Variants in PDE4D observed in about 807,000 individuals in gnomAD.
The protein encoded by PDE4D is phosphodiesterase 4D.
PDE4D carries 24 observed loss-of-function variants against 87.4 expected under a neutral mutation model. The ratio of observed to expected loss-of-function variants is 0.27; its 90% confidence interval spans 0.20 to 0.39. PDE4D has a LOEUF of 0.39. PDE4D is among the 10% of genes least tolerant of loss of function. PDE4D has a pLI of 1.00. For synonymous variants in PDE4D, 384 were observed against 383.2 expected (o/e 1.00, Z -0.02); for missense variants, 714 against 1,041.0 (o/e 0.69, Z 4.32).
At chr5:60,331,855 A>G (rs1406680103) in intron 1 of PDE4D, among the ~76,000 whole-genome samples, 2 of 152,198 alleles carry the variant, frequency 1.3e-5, no homozygotes, top group Non-Finnish European at 2.9e-5. Flanking sequence ...GTGTTTCTAC[A>G]ACAATCATCT....
At chr5:59,156,651 G>A (rs1264044318) in intron 5 of PDE4D, among the ~76,000 whole-genome samples, 1 of 151,864 alleles carries the variant, frequency 6.6e-6, no homozygotes, top group African/African-American at 2.4e-5. Context: ...AGCAGCCCTG[G>A]ACTGCTCACT....
intron 1 of PDE4D, among the ~76,000 whole-genome samples, chr5:60,299,871 T>G (rs773439050): frequency 1.3e-5 from 2 of 152,204 alleles, no homozygotes; most frequent in African/African-American, 2.4e-5. Flanking sequence ...TACACATGTA[T>G]GTATCTTTAT....
chr5:59,797,383 T>G (rs1766612469), intron 1 of PDE4D, among the ~76,000 whole-genome samples: 1 of 152,236 alleles, frequency 6.6e-6, no homozygotes, highest in Non-Finnish European at 1.5e-5. Context: ...ACCACATGCA[T>G]GGAAGGACCA....
chr5:59,090,788 A>G (rs1768564219), intron 5 of PDE4D, among the ~76,000 whole-genome samples: 1 of 139,668 alleles, frequency 7.2e-6, no homozygotes, highest in African/African-American at 2.9e-5. Context: ...ATCAGTAGCC[A>G]TGTTTTTTTT....
At chr5:59,668,833 GGAAGAGGAAGAGGAAGAA>G (rs1746590345) in intron 1 of PDE4D, among the ~76,000 whole-genome samples, 1 of 54,066 alleles carries the variant, frequency 1.8e-5, no homozygotes, top group African/African-American at 7.8e-5. Context: ...AAGAAGAAGA[GGAAGAGGAAGAGGAAGAA>G]GAAGAAGAAG....
chr5:59,088,513 C>T lies in PDE4D; in HGVS notation c.809-49542G>A, dbSNP rs531220977. On this transcript the variant is annotated intron_variant, in intron 5 of 14. Transcript: ENST00000340635. ...GACACATGCATGTGTATGTTCATTA[C>T]AGCAGCATTAACAATAGCAAAGACA... is the stretch of plus-strand genomic sequence containing the variant. 3.9e-5 allele frequency among the ~76,000 whole-genome samples: 6 copies of T among 152,276 alleles called. No individual in the cohort carries two copies. In the South Asian group the frequency reaches 8.3e-4, roughly 21 times the overall value.
chr5:60,232,380 T>C (rs541153834), intron 1 of PDE4D, among the ~76,000 whole-genome samples: 1 of 152,016 alleles, frequency 6.6e-6, no homozygotes, highest in South Asian at 2.1e-4. Flanking sequence ...ACCTACTTCT[T>C]GCAACTTTAA....
At chr5:59,610,858 G>C (rs951444562) in intron 1 of PDE4D, among the ~76,000 whole-genome samples, 1 of 152,138 alleles carries the variant, frequency 6.6e-6, no homozygotes, top group African/African-American at 2.4e-5. Context: ...GGTAAAACTT[G>C]ATAATGGCAG....
intron 6 of PDE4D, among the ~76,000 whole-genome samples, chr5:59,008,147 G>A (rs1446811157): frequency 1.3e-5 from 2 of 151,944 alleles, no homozygotes; most frequent in African/African-American, 2.4e-5. Context: ...GAATAATCAT[G>A]ACAATAAATG....
chr5:60,448,376 A>G (rs773149291), intron 1 of PDE4D, among the ~76,000 whole-genome samples: 1 of 152,196 alleles, frequency 6.6e-6, no homozygotes, highest in Non-Finnish European at 1.5e-5. Context: ...ATTAGTTCAT[A>G]AATTTAAGGC....
intron 1 of PDE4D, among the ~76,000 whole-genome samples, chr5:59,638,466 T>TA (rs368640059): frequency 2.4e-4 from 36 of 151,858 alleles, no homozygotes; most frequent in African/African-American, 8.4e-4. Flanking sequence ...ATACCACCAT[T>TA]AAAAAAAGGG....
intron 1 of PDE4D, among the ~76,000 whole-genome samples, chr5:59,806,808 TA>T (rs1767788239): frequency 6.6e-6 from 1 of 152,220 alleles, no homozygotes; most frequent in South Asian, 2.1e-4. Flanking sequence ...CATGTGAGGT[TA>T]TACATTTAAT....
At chr5:60,015,083 G>A (rs759502964) in intron 2 of PDE4D, among the ~76,000 whole-genome samples, 6 of 152,140 alleles carry the variant, frequency 3.9e-5, no homozygotes, top group Non-Finnish European at 8.8e-5. Context: ...AACAATCCCT[G>A]TCTCATCAAT....
At chr5:59,440,162 T>A (rs924954345) in intron 1 of PDE4D, among the ~76,000 whole-genome samples, 2 of 152,220 alleles carry the variant, frequency 1.3e-5, no homozygotes, top group African/African-American at 4.8e-5. Context: ...TATATGCAAT[T>A]GTGATTTAGC....
intron 1 of PDE4D, among the ~76,000 whole-genome samples, chr5:60,252,720 A>G (rs1272938855): frequency 6.6e-6 from 1 of 151,642 alleles, no homozygotes; most frequent in African/African-American, 2.4e-5. Context: ...AAAATCCAAG[A>G]GAGCAGGAAC....
rs143706370 is a variant in PDE4D, at chr5:60,163,357, G to C, written c.42+22200C>G. On this transcript the variant is annotated intron_variant, in intron 2 of 16. Transcript: ENST00000502484. ...TCTACATATTTTTTTCACTGGGTAG[G>C]TTTAGCTACACACCATTTAGCTAAA... Among the ~76,000 whole-genome samples the C allele has an allele frequency of 2.3e-3, 345 of 152,012 alleles. 5 individuals carry two copies. Among genetic ancestry groups the C allele is most frequent in the Admixed American group, 0.018 (279 of 15,272 alleles).
chr5:59,587,013 T>C, intron 1 of PDE4D: 3 of 985,380 alleles, frequency 3.0e-6, no homozygotes, highest in Non-Finnish European at 3.6e-6. Context: ...GATTTCAGAA[T>C]TGCTGGTTCA....
intron 1 of PDE4D, among the ~76,000 whole-genome samples, chr5:59,714,908 T>C (rs923411386): frequency 2.6e-5 from 4 of 152,240 alleles, no homozygotes; most frequent in Non-Finnish European, 5.9e-5. Context: ...CTATGGGTAG[T>C]TGACCAAGGG....
At chr5:59,417,550 T>A (rs78008526) in intron 1 of PDE4D, among the ~76,000 whole-genome samples, 15 of 152,070 alleles carry the variant, frequency 9.9e-5, no homozygotes, top group African/African-American at 3.6e-4. Context: ...TTTTTTTTTT[T>A]AATAAACAAA....
Sources: gnomAD v4.1 joint callset for allele counts (sites outside exome capture counted in the v4.1 genomes callset) on GRCh38, gnomAD v4.1.1 for gene constraint, MANE v1.5 for transcripts, NCBI Gene and HGNC (gene_info 2026-07-23, HGNC 2026-07-21) for gene names.